The following MCC variants were observed in gnomAD, a reference collection of about 807,000 sequenced individuals.
MCC encodes MCC regulator of Wnt signaling pathway.
MCC carries 90 observed loss-of-function variants against 116.2 expected under a neutral mutation model. That is an observed-to-expected ratio of 0.77 (90% confidence interval 0.65 to 0.92). MCC has a LOEUF of 0.92. Ranked by LOEUF, MCC falls within the 40% of genes least tolerant of loss-of-function variation. MCC has a pLI of 0.00. For synonymous variants in MCC, 578 were observed against 510.5 expected (o/e 1.13, Z -1.78); for missense variants, 1,516 against 1,312.2 (o/e 1.16, Z -2.40).
chr5:113,280,184 C>G (rs1765988609), intron 3 of MCC, among the ~76,000 whole-genome samples: 2 of 152,294 alleles, frequency 1.3e-5, no homozygotes, highest in African/African-American at 4.8e-5. Context: ...GGGTGGGCCC[C>G]TGGGGCTCAG....
intron 1 of MCC, among the ~76,000 whole-genome samples, chr5:113,461,385 G>A (rs1005916803): frequency 6.6e-6 from 1 of 152,190 alleles, no homozygotes; most frequent in Admixed American, 6.5e-5. Flanking sequence ...GGAAACCAAG[G>A]CATGAAAGTG....
At chr5:113,297,805 C>T (rs1250993764) in intron 3 of MCC, among the ~76,000 whole-genome samples, 1 of 144,466 alleles carries the variant, frequency 6.9e-6, no homozygotes, top group Non-Finnish European at 1.5e-5. Context: ...AGGGGACAGG[C>T]AGAAAGAAAG....
Position 113,040,803 on chromosome 5 carries a change from C to T in MCC, c.2756+2727G>A, listed in dbSNP as rs374397062. 1.2e-3 allele frequency among the ~76,000 whole-genome samples: 176 copies of T among 152,244 alleles called. 1 individual carries two copies. The highest frequency in any genetic ancestry group is 4.1e-3 in the African/African-American group (170 of 41,540). On this transcript the variant is annotated intron_variant, in intron 17 of 18. Coordinates refer to ENST00000408903, the MANE Select transcript of MCC (RefSeq NM_001085377.2). ...GGTCTTGATTAGAAATCCATGCTAACCAACTTAAGGCTGGTTATTGGAAAT... is the reference window on the plus strand; with the variant it reads ...GGTCTTGATTAGAAATCCATGCTAATCAACTTAAGGCTGGTTATTGGAAAT...
At chr5:113,093,995 G>A (rs1411868658) in intron 8 of MCC, among the ~76,000 whole-genome samples, 2 of 152,146 alleles carry the variant, frequency 1.3e-5, no homozygotes, top group African/African-American at 4.8e-5. Context: ...CACTAGGCTG[G>A]GAAAGTTCTA....
intron 3 of MCC, among the ~76,000 whole-genome samples, chr5:113,158,197 G>C (rs1483251898): frequency 6.6e-6 from 1 of 152,234 alleles, no homozygotes; most frequent in Non-Finnish European, 1.5e-5. Context: ...ATGACACTAT[G>C]GGTAAGGGGG....
At chr5:113,162,581 C>T (rs895011729) in intron 3 of MCC, among the ~76,000 whole-genome samples, 1 of 152,090 alleles carries the variant, frequency 6.6e-6, no homozygotes, top group Non-Finnish European at 1.5e-5. Context: ...ACTGCAGCCT[C>T]GAAATCCCAG....
intron 14 of MCC, among the ~76,000 whole-genome samples, chr5:113,062,391 C>T (rs545449969): frequency 2.1e-4 from 32 of 152,332 alleles, no homozygotes; most frequent in African/African-American, 7.5e-4. Flanking sequence ...CTGACTGGTT[C>T]TAAATTTGTC....
chr5:113,109,257 A>G (rs551230148), intron 6 of MCC, among the ~76,000 whole-genome samples: 10 of 152,358 alleles, frequency 6.6e-5, no homozygotes, highest in African/African-American at 1.9e-4. Flanking sequence ...AAAAGGTGGA[A>G]GTAGCCCAGG....
At chr5:113,128,904 G>C (rs1040987241) in intron 5 of MCC, among the ~76,000 whole-genome samples, 1 of 152,188 alleles carries the variant, frequency 6.6e-6, no homozygotes, top group Non-Finnish European at 1.5e-5. Flanking sequence ...TGTGTGTTTT[G>C]TTGGCTGCAT....
intron 1 of MCC, among the ~76,000 whole-genome samples, chr5:113,478,382 C>G (rs990086082): frequency 6.6e-6 from 1 of 152,084 alleles, no homozygotes; most frequent in Admixed American, 6.5e-5. Context: ...TGGTAAGAAA[C>G]GGTTGGATAT....
At chr5:113,347,320 A>G (rs1768158362) in intron 2 of MCC, among the ~76,000 whole-genome samples, 1 of 152,156 alleles carries the variant, frequency 6.6e-6, no homozygotes, top group African/African-American at 2.4e-5. Context: ...GAGAGAAAGA[A>G]CAAAAAGTTA....
intron 3 of MCC, among the ~76,000 whole-genome samples, chr5:113,193,555 T>G (rs950048707): frequency 6.6e-6 from 1 of 152,224 alleles, no homozygotes; most frequent in African/African-American, 2.4e-5. Flanking sequence ...AGGAATTCTC[T>G]CCGTATCTTG....
At chr5:113,160,852 T>A (rs1760443429) in intron 3 of MCC, among the ~76,000 whole-genome samples, 1 of 152,126 alleles carries the variant, frequency 6.6e-6, no homozygotes, top group Non-Finnish European at 1.5e-5. Flanking sequence ...ATTCCTACAT[T>A]CTATGTGGGA....
chr5:113,200,276 T>G (rs1762618852), intron 3 of MCC, among the ~76,000 whole-genome samples: 1 of 152,126 alleles, frequency 6.6e-6, no homozygotes, highest in Non-Finnish European at 1.5e-5. Context: ...ACATCATGAA[T>G]TTGAAATTAT....
At chr5:113,028,414 T>C (rs1750727566) in intron 18 of MCC, among the ~76,000 whole-genome samples, 2 of 152,162 alleles carry the variant, frequency 1.3e-5, no homozygotes, top group Admixed American at 1.3e-4. Context: ...ATAAAAACTT[T>C]AAATAATTTA....
At chr5:113,177,301 G>T (rs544662233) in intron 3 of MCC, among the ~76,000 whole-genome samples, 1 of 152,316 alleles carries the variant, frequency 6.6e-6, no homozygotes, top group African/African-American at 2.4e-5. Flanking sequence ...ACTGTGCCTG[G>T]CACAAAGGAG....
rs1165347536 is a variant in MCC, at chr5:113,386,463, C to A, written c.171-1251G>T. ...CTAATTCTGTGCCCTGCACTCCCCTCCCCCACCTCTGCCCTTGTCCCCTTC... is the reference window on the plus strand; with the variant it reads ...CTAATTCTGTGCCCTGCACTCCCCTACCCCACCTCTGCCCTTGTCCCCTTC... On this transcript the variant is annotated intron_variant, in intron 1 of 18. Coordinates refer to ENST00000408903, the MANE Select transcript of MCC (RefSeq NM_001085377.2). Among the ~76,000 whole-genome samples the A allele has an allele frequency of 5.3e-5, 8 of 152,034 alleles. No individual in the cohort carries two copies. The South Asian group carries it at 1.5e-3, about 28-fold the overall frequency.
At chr5:113,341,814 A>T (rs1768020876) in intron 2 of MCC, among the ~76,000 whole-genome samples, 1 of 139,252 alleles carries the variant, frequency 7.2e-6, no homozygotes, top group South Asian at 2.2e-4. Flanking sequence ...TTGCCCTAAC[A>T]TGATTAGAAA....
At chr5:113,068,537 G>C (rs1274403441) in intron 12 of MCC, among the ~76,000 whole-genome samples, 1 of 152,234 alleles carries the variant, frequency 6.6e-6, no homozygotes, top group Non-Finnish European at 1.5e-5. Context: ...CCACACCCTT[G>C]TGCTGTCCCC....
Sources: gnomAD v4.1 joint callset for allele counts (sites outside exome capture counted in the v4.1 genomes callset) on GRCh38, gnomAD v4.1.1 for gene constraint, MANE v1.5 for transcripts, NCBI Gene and HGNC (gene_info 2026-07-23, HGNC 2026-07-21) for gene names.